The following VIT variants were observed in gnomAD, a reference collection of about 807,000 sequenced individuals.
VIT encodes vitrin.
Under a neutral mutation model 78.0 loss-of-function variants are expected in VIT, and 99 were observed. That is an observed-to-expected ratio of 1.27 (90% confidence interval 1.08 to 1.50). The LOEUF (loss-of-function observed/expected upper bound fraction) is 1.50, where lower values mean the gene tolerates loss of function less well. Ranked by LOEUF, VIT falls within the 40% of genes most tolerant of loss-of-function variation. The pLI, the probability that VIT is intolerant of heterozygous loss-of-function variation, is 0.00. For missense variants in VIT, 1,126 were observed against 875.3 expected (o/e 1.29, Z -3.61); for synonymous variants, 374 against 334.3 (o/e 1.12, Z -1.29).
chr2:36,767,189 G>T lies in VIT; in HGVS notation c.583G>T (p.Ala195Ser), dbSNP rs1177990792. ...GCTTCTGGCTGTCACTGTAGCTGTG[G>T]CCACCCCCACCACCTTGCCAAGGCC... ...MQLLAVTVAVATPTTLPRPSP... is the reference protein window; with the variant it reads ...MQLLAVTVAVSTPTTLPRPSP... The change falls in exon 7 of 16, where the codon GCC becomes TCC. Residue 195 changes from alanine (A) to serine (S), a missense_variant. Ala to Ser is a moderately conservative substitution (Grantham distance 99). Transcript: ENST00000379242. 1.2e-6 allele frequency: 2 copies of T among 1,610,702 alleles called. No homozygotes were observed. Among genetic ancestry groups the T allele is most frequent in the Admixed American group, 3.4e-5 (2 of 59,368 alleles).
At chr2:36,761,161 A>G (rs1314158856) in intron 6 of VIT, among the ~76,000 whole-genome samples, 1 of 152,172 alleles carries the variant, frequency 6.6e-6, no homozygotes, top group East Asian at 1.9e-4. Context: ...ATTGGTTGGA[A>G]ATAAGATGCC....
chr2:36,787,731 A>T (rs1665204332), intron 12 of VIT: 1 of 413,212 alleles, frequency 2.4e-6, no homozygotes, highest in South Asian at 1.8e-5. Flanking sequence ...TATAGGTTAG[A>T]CGCCTAGAGA....
chr2:36,739,491 G>T (rs748943678), intron 3 of VIT, among the ~76,000 whole-genome samples: 2 of 152,170 alleles, frequency 1.3e-5, no homozygotes, highest in Non-Finnish European at 2.9e-5. Context: ...CCAGTTGTCT[G>T]TTCTGAGATG....
chr2:36,797,875 G>A (rs1666021166), intron 12 of VIT, among the ~76,000 whole-genome samples: 1 of 152,204 alleles, frequency 6.6e-6, no homozygotes, highest in Non-Finnish European at 1.5e-5. Flanking sequence ...CACATATTAT[G>A]CACGGTGTTG....
chr2:36,699,011 AG>A (rs1664853257), intron 1 of VIT, among the ~76,000 whole-genome samples: 1 of 150,848 alleles, frequency 6.6e-6, no homozygotes, highest in Non-Finnish European at 1.5e-5. Context: ...AAAAAAAAAA[AG>A]ATTACTTTAG....
chr2:36,733,650 T>C (rs910440862), intron 3 of VIT, among the ~76,000 whole-genome samples: 1 of 152,222 alleles, frequency 6.6e-6, no homozygotes, highest in Non-Finnish European at 1.5e-5. Context: ...GTACAAAGTC[T>C]GGACAGAATT....
At chr2:36,720,864 G>T (rs1171701864) in intron 2 of VIT, among the ~76,000 whole-genome samples, 1 of 152,136 alleles carries the variant, frequency 6.6e-6, no homozygotes, top group Non-Finnish European at 1.5e-5. Flanking sequence ...ATAAAAATTA[G>T]CCAGGTATGG....
At chr2:36,723,508 G>A (rs997638789) in intron 2 of VIT, among the ~76,000 whole-genome samples, 15 of 151,972 alleles carry the variant, frequency 9.9e-5, no homozygotes, top group Non-Finnish European at 1.8e-4. Flanking sequence ...GCATGATACA[G>A]GAAAACACCC....
intron 4 of VIT, among the ~76,000 whole-genome samples, chr2:36,754,535 A>G (rs1339236481): frequency 1.3e-5 from 2 of 152,212 alleles, no homozygotes; most frequent in African/African-American, 4.8e-5. Flanking sequence ...ATCATTTTAT[A>G]TCACCCTTTG....
chr2:36,774,720 A>G (rs1405571154), intron 8 of VIT: 11 of 985,192 alleles, frequency 1.1e-5, no homozygotes, highest in Non-Finnish European at 1.3e-5. Flanking sequence ...AAGGCTTGAG[A>G]ATGAGAACAC....
At chr2:36,715,875 A>G (rs1314792115) in intron 1 of VIT, among the ~76,000 whole-genome samples, 4 of 152,214 alleles carry the variant, frequency 2.6e-5, no homozygotes, top group African/African-American at 9.7e-5. Flanking sequence ...TTAAACTGTA[A>G]GTCTTTCAAG....
chr2:36,718,759 C>G (rs1332160529), intron 2 of VIT, among the ~76,000 whole-genome samples: 1 of 152,170 alleles, frequency 6.6e-6, no homozygotes, highest in Non-Finnish European at 1.5e-5. Flanking sequence ...AGAGACTGGG[C>G]AAGTTCCAGG....
intron 14 of VIT, among the ~76,000 whole-genome samples, chr2:36,807,427 C>T (rs1666812452): frequency 6.6e-6 from 1 of 152,180 alleles, no homozygotes; most frequent in African/African-American, 2.4e-5. Context: ...GGAAATCCCT[C>T]CCTCCATCTG....
intron 9 of VIT, among the ~76,000 whole-genome samples, chr2:36,775,697 C>G (rs1356028980): frequency 6.6e-6 from 1 of 152,120 alleles, no homozygotes; most frequent in Non-Finnish European, 1.5e-5. Context: ...AAATCCTACC[C>G]AATTTCTGCT....
intron 6 of VIT, among the ~76,000 whole-genome samples, chr2:36,765,685 A>T (rs1669388358): frequency 1.3e-5 from 2 of 152,228 alleles, no homozygotes; most frequent in African/African-American, 4.8e-5. Context: ...GGCCTTGAAA[A>T]CTAAAGTGGC....
intron 2 of VIT, among the ~76,000 whole-genome samples, chr2:36,719,729 A>G (rs1372075838): frequency 6.6e-6 from 1 of 152,228 alleles, no homozygotes; most frequent in Non-Finnish European, 1.5e-5. Context: ...ACTTGAGCCC[A>G]GGAGTTTGAG....
chr2:36,766,798 C>T (rs1257186613), intron 6 of VIT, among the ~76,000 whole-genome samples: 1 of 152,302 alleles, frequency 6.6e-6, no homozygotes, highest in East Asian at 1.9e-4. Context: ...CTAGTGGTGC[C>T]AGGCAAATTA....
At chr2:36,776,904 A>G (rs533139174) in intron 9 of VIT, among the ~76,000 whole-genome samples, 1 of 151,358 alleles carries the variant, frequency 6.6e-6, no homozygotes, top group Non-Finnish European at 1.5e-5. Context: ...CCCGGCTAAC[A>G]CGGTGAAACT....
intron 2 of VIT, among the ~76,000 whole-genome samples, chr2:36,717,572 A>C (rs1422168943): frequency 6.6e-6 from 1 of 152,158 alleles, no homozygotes; most frequent in Non-Finnish European, 1.5e-5. Flanking sequence ...CATTATCACC[A>C]GAGTACGCAA....
Sources: allele counts gnomAD v4.1 joint callset (sites outside exome capture counted in the v4.1 genomes callset), GRCh38; gene constraint gnomAD v4.1.1; transcripts MANE v1.5; gene names NCBI Gene and HGNC (gene_info 2026-07-23, HGNC 2026-07-21).